KDELR2: variants seen among roughly 807,000 people sequenced by gnomAD.
KDELR2 encodes ER lumen protein-retaining receptor 2.
In KDELR2, 15 loss-of-function variants were observed where a neutral mutation model predicts 23.9. The observed-to-expected ratio is 0.63, with a 90% CI of 0.42 to 0.97. KDELR2 has a LOEUF of 0.97. Among genes scored for constraint, KDELR2 ranks in the 50% least tolerant of loss-of-function variants. The probability of loss-of-function intolerance (pLI) is 0.00; values close to 1 mark genes in which losing one functional copy is unlikely to be tolerated. For missense variants in KDELR2, 272 were observed against 254.6 expected (o/e 1.07, Z -0.46); for synonymous variants, 119 against 106.2 (o/e 1.12, Z -0.74).
At position 6,462,907 on chromosome 7, in the gene KDELR2, G is replaced by T; in HGVS notation, c.*234C>A. ...ACTGAATTTATTAATACAGCATTAA[G>T]TTTCTTTGTGTAAAAAAATCTTTGT... On this transcript the variant is annotated 3_prime_UTR_variant, in exon 5 of 5. Coordinates refer to ENST00000258739, the MANE Select transcript of KDELR2 (RefSeq NM_006854.4). 2 of 1,388,646 alleles carry T rather than the reference G, an allele frequency of 1.4e-6. No homozygotes were observed. The highest frequency in any genetic ancestry group is 9.8e-7 in the Non-Finnish European group (1 of 1,019,126). 86.0% of individuals were successfully genotyped at this position (1,388,646 alleles called of 1,614,324 possible).
intron 1 of KDELR2, among the ~76,000 whole-genome samples, chr7:6,476,124 AT>A (rs1785746903): frequency 6.6e-6 from 1 of 152,190 alleles, no homozygotes. Flanking sequence ...ATGAACAATC[AT>A]TTTGCAGCTT....
intron 1 of KDELR2, among the ~76,000 whole-genome samples, chr7:6,476,529 A>G (rs1432459477): frequency 3.9e-5 from 6 of 152,224 alleles, no homozygotes; most frequent in Non-Finnish European, 1.5e-5. Context: ...TATTTTAAAT[A>G]TAAACATACA....
At chr7:6,473,091 T>TA (rs1785687218) in intron 2 of KDELR2, among the ~76,000 whole-genome samples, 3 of 144,278 alleles carry the variant, frequency 2.1e-5, no homozygotes, top group African/African-American at 7.7e-5. Context: ...TATTTTTTTT[T>TA]TTTTTTTTTT....
Position 6,462,847 on chromosome 7 carries a change from C to T in KDELR2, c.*294G>A. On this transcript the variant is annotated 3_prime_UTR_variant, in exon 5 of 5. Transcript: ENST00000258739. ...AATTTGCACTTATTCCTCACAAAAT[C>T]TTCACTTTTGGAACTATCCCAATTG... The T allele has an allele frequency of 1.2e-6, 1 of 866,492 alleles. No individual in the cohort carries two copies. Among genetic ancestry groups the T allele is most frequent in the East Asian group, 2.9e-5 (1 of 34,510 alleles). The allele number at this position is 866,492 out of a possible 1,614,324, so 53.7% of individuals were successfully genotyped here.
chr7:6,477,726 TC>T (rs1412263826), intron 1 of KDELR2, among the ~76,000 whole-genome samples: 2 of 152,204 alleles, frequency 1.3e-5, no homozygotes. Context: ...ACTGGTGCAA[TC>T]ATAGCTTCCA....
intron 1 of KDELR2, among the ~76,000 whole-genome samples, chr7:6,475,274 A>G (rs1785729406): frequency 6.6e-6 from 1 of 152,048 alleles, no homozygotes; most frequent in Non-Finnish European, 1.5e-5. Flanking sequence ...AAAATAGAAA[A>G]GTGATAGCCA....
chr7:6,481,296 C>G (rs1444467524), intron 1 of KDELR2, among the ~76,000 whole-genome samples: 3 of 134,294 alleles, frequency 2.2e-5, no homozygotes, highest in African/African-American at 8.5e-5. Flanking sequence ...ACCCGGGAGG[C>G]AGAGGTTGCA....
intron 1 of KDELR2, among the ~76,000 whole-genome samples, chr7:6,480,119 G>T (rs771584310): frequency 6.6e-6 from 1 of 152,204 alleles, no homozygotes; most frequent in Non-Finnish European, 1.5e-5. Context: ...GAAGGAGACA[G>T]ACTAGAGGGG....
At chr7:6,465,919 C>T (rs1026844963) in intron 4 of KDELR2, 152 bp downstream of exon 4, 3 of 792,050 alleles carry the variant, frequency 3.8e-6, no homozygotes, top group Admixed American at 5.2e-5. Context: ...TTTAAAAAGA[C>T]AACATCCTGA....
chr7:6,465,981 G>T, intron 4 of KDELR2, 90 bp downstream of exon 4: 3 of 1,362,582 alleles, frequency 2.2e-6, no homozygotes, highest in Non-Finnish European at 3.0e-6. Flanking sequence ...GCCAGTTTAT[G>T]AGAGAGTGCC....
intron 1 of KDELR2, among the ~76,000 whole-genome samples, chr7:6,477,957 AAAT>A (rs966956228): frequency 2.0e-5 from 3 of 152,184 alleles, no homozygotes; most frequent in African/African-American, 4.8e-5. Flanking sequence ...CCGTAACCCC[AAAT>A]AATGCAAATT....
chr7:6,478,772 AGT>A (rs1243632574), intron 1 of KDELR2, among the ~76,000 whole-genome samples: 1 of 151,970 alleles, frequency 6.6e-6, no homozygotes, highest in Non-Finnish European at 1.5e-5. Flanking sequence ...CCATCAGCAA[AGT>A]TTAATATTTA....
intron 1 of KDELR2, among the ~76,000 whole-genome samples, chr7:6,476,758 T>C (rs186192009): frequency 3.3e-5 from 5 of 152,310 alleles, no homozygotes; most frequent in Non-Finnish European, 1.5e-5. Context: ...GTTGATTCAT[T>C]CAGCAAGCAC....
At chr7:6,466,406 A>G in intron 3 of KDELR2, 83 bp from the exon 4 acceptor site, 2 of 1,540,854 alleles carry the variant, frequency 1.3e-6, no homozygotes, top group Non-Finnish European at 1.8e-6. Context: ...CTTTACCACA[A>G]AGCAGCCTAA....
intron 1 of KDELR2, among the ~76,000 whole-genome samples, chr7:6,481,695 G>T (rs1247098506): frequency 1.3e-5 from 2 of 152,102 alleles, no homozygotes; most frequent in Non-Finnish European, 1.5e-5. Flanking sequence ...ACTCCAGCCT[G>T]GGGGACAGAG....
At chr7:6,464,734 CT>C (rs201529691) in intron 4 of KDELR2, among the ~76,000 whole-genome samples, 57,695 of 110,968 alleles carry the variant, frequency 0.52, 14,133 homozygotes, top group Non-Finnish European at 0.6. Context: ...TCTTTTTTTT[CT>C]TTTTTTTTTT....
At chr7:6,476,321 TC>T (rs1562501947) in intron 1 of KDELR2, among the ~76,000 whole-genome samples, 1 of 152,270 alleles carries the variant, frequency 6.6e-6, no homozygotes, top group South Asian at 2.1e-4. Flanking sequence ...CTTAGTCTTT[TC>T]CCCGTAACGG....
chr7:6,478,862 C>T lies in KDELR2; in HGVS notation c.92-4578G>A, dbSNP rs575229733. ...GGAGTGCAGTGGTGCGATCTCGGCT[C>T]ACTGCAACCTCTGCCTCCTGGGTTC... On this transcript the variant is annotated intron_variant, in intron 1 of 4. Transcript: ENST00000258739. Among the ~76,000 whole-genome samples the T allele has an allele frequency of 2.6e-5, 4 of 152,136 alleles. No homozygotes were observed. The East Asian group carries it at 7.8e-4, about 30-fold the overall frequency.
intron 2 of KDELR2, among the ~76,000 whole-genome samples, chr7:6,472,688 C>A (rs1421217599): frequency 6.6e-6 from 1 of 152,098 alleles, no homozygotes; most frequent in Non-Finnish European, 1.5e-5. Flanking sequence ...TTCAACAGTG[C>A]TTATGAAAAT....
Sources: gnomAD v4.1 joint callset for allele counts (sites outside exome capture counted in the v4.1 genomes callset) on GRCh38, gnomAD v4.1.1 for gene constraint, MANE v1.5 for transcripts, NCBI Gene and HGNC (gene_info 2026-07-23, HGNC 2026-07-21) for gene names.